The following PICALM variants were observed in gnomAD, a reference collection of about 807,000 sequenced individuals.
The protein encoded by PICALM is phosphatidylinositol-binding clathrin assembly protein.
A neutral mutation model predicts 80.5 loss-of-function variants in PICALM; 40 were observed. The observed-to-expected ratio is 0.50, with a 90% CI of 0.39 to 0.65. The LOEUF (loss-of-function observed/expected upper bound fraction) is 0.65. Ranked by LOEUF, PICALM falls within the 30% of genes least tolerant of loss-of-function variation. PICALM has a pLI of 0.00. For missense variants in PICALM, 676 were observed against 778.9 expected (o/e 0.87, Z 1.57); for synonymous variants, 288 against 260.3 (o/e 1.11, Z -1.02).
At position 86,011,051 on chromosome 11, in the gene PICALM, T is replaced by C; in HGVS notation, c.744A>G (p.Ser248=). The C allele has an allele frequency of 6.5e-7, 1 of 1,538,726 alleles. No individual in the cohort carries two copies. Among genetic ancestry groups the C allele is most frequent in the Non-Finnish European group, 8.9e-7 (1 of 1,119,904 alleles). Reference sequence around the variant, plus strand: ...TTACCTCTGCAACTTTGAGGAACTCTGAGATTCTTGTCATCCTAGTTAGGA... The same window carrying C: ...TTACCTCTGCAACTTTGAGGAACTCCGAGATTCTTGTCATCCTAGTTAGGA... ...KKFLTRMTRI[S]EFLKVAEQVG... is the part of the protein sequence containing the mutation. Residue 248 remains serine, a synonymous_variant, in exon 7 of 20, where the codon TCA becomes TCG. Coordinates refer to ENST00000393346, the MANE Select transcript of PICALM (RefSeq NM_007166.4).
chr11:86,067,490 CAGGTTAG>C (rs1426586724), intron 1 of PICALM, among the ~76,000 whole-genome samples: 1 of 152,048 alleles, frequency 6.6e-6, no homozygotes, highest in Non-Finnish European at 1.5e-5. Context: ...AGGTGACTTC[CAGGTTAG>C]AAAAAAGTTA....
At chr11:86,022,535 C>A in intron 3 of PICALM, 66 bp from the exon 4 acceptor site, 1 of 790,576 alleles carries the variant, frequency 1.3e-6, no homozygotes, top group Non-Finnish European at 2.0e-6. Flanking sequence ...GACTAAAAAT[C>A]CCAATATGCC....
chr11:86,059,588 G>A (rs908818569), intron 1 of PICALM, among the ~76,000 whole-genome samples: 2 of 152,138 alleles, frequency 1.3e-5, no homozygotes, highest in Non-Finnish European at 2.9e-5. Flanking sequence ...TTCGAGACCA[G>A]CCTAGGAAAG....
At chr11:86,062,612 T>C (rs1360930717) in intron 1 of PICALM, among the ~76,000 whole-genome samples, 2 of 152,002 alleles carry the variant, frequency 1.3e-5, no homozygotes, top group Non-Finnish European at 2.9e-5. Flanking sequence ...ACCACTTTCG[T>C]GGGGGATATA....
chr11:86,061,066 T>C (rs1043233532), intron 1 of PICALM, among the ~76,000 whole-genome samples: 4 of 152,160 alleles, frequency 2.6e-5, no homozygotes, highest in African/African-American at 9.7e-5. Context: ...CAGTGGCTCA[T>C]GCCTGTAATC....
At chr11:85,991,300 T>C (rs2094768860) in intron 12 of PICALM, among the ~76,000 whole-genome samples, 1 of 152,336 alleles carries the variant, frequency 6.6e-6, no homozygotes, top group Non-Finnish European at 1.5e-5. Context: ...GATACTCCTG[T>C]AATTCTCAAC....
intron 1 of PICALM, among the ~76,000 whole-genome samples, chr11:86,051,146 A>T (rs528014193): frequency 5.9e-5 from 9 of 152,360 alleles, no homozygotes; most frequent in African/African-American, 1.9e-4. Context: ...TGGAGAATGA[A>T]GCAAAGGCTC....
At chr11:86,022,044 T>C (rs1455370891) in intron 4 of PICALM, among the ~76,000 whole-genome samples, 1 of 152,118 alleles carries the variant, frequency 6.6e-6, no homozygotes, top group East Asian at 1.9e-4. Flanking sequence ...TGCTAATAGG[T>C]ATAGAGTTTC....
At chr11:85,994,681 G>A (rs1328981289) in intron 12 of PICALM, among the ~76,000 whole-genome samples, 1 of 152,124 alleles carries the variant, frequency 6.6e-6, no homozygotes, top group Non-Finnish European at 1.5e-5. Context: ...AATACCTTAA[G>A]CATTTAATGT....
At position 85,957,923 on chromosome 11, in the gene PICALM, T is replaced by C. The variant is rs965607764; in HGVS notation, c.*1123A>G. 1 of 223,766 alleles carries C rather than the reference T, an allele frequency of 4.5e-6. No homozygotes were observed. Among genetic ancestry groups the C allele is most frequent in the African/African-American group, 2.2e-5 (1 of 44,778 alleles). The allele number at this position is 223,766 out of a possible 1,614,324, so 13.9% of individuals were successfully genotyped here. On this transcript the variant is annotated 3_prime_UTR_variant, in exon 20 of 20. Coordinates refer to ENST00000393346, the MANE Select transcript of PICALM (RefSeq NM_007166.4). ...TTTAATTCTTCGTTTACTAAACTCTTGGCTAGACATTAACTTTAAAGATAC... is the reference window on the plus strand; with the variant it reads ...TTTAATTCTTCGTTTACTAAACTCTCGGCTAGACATTAACTTTAAAGATAC...
At position 86,007,381 on chromosome 11, in the gene PICALM, T is replaced by A. The variant is rs989651412; in HGVS notation, c.807+161A>T. The A allele has an allele frequency of 8.3e-6, 4 of 483,582 alleles. No homozygotes were observed. In the Admixed American group the frequency reaches 1.1e-4, roughly 13 times the overall value. The allele number at this position is 483,582 out of a possible 1,614,324, so 30.0% of individuals were successfully genotyped here. On this transcript the variant is annotated intron_variant, in intron 8 of 19. Transcript: ENST00000393346. The stretch of plus-strand genomic sequence containing the variant: ...GTGGTAAGCAGATCATTTTACGTGG[T>A]CATAGTGTTAGAACAATCTTCAGGA...
Position 85,983,917 on chromosome 11 carries a change from A to G in PICALM, c.1465T>C (p.Phe489Leu). 1 of 1,606,552 alleles carries G rather than the reference A, an allele frequency of 6.2e-7. No individual in the cohort carries two copies. The highest frequency in any genetic ancestry group is 8.5e-7 in the Non-Finnish European group (1 of 1,174,254). The change falls in exon 14 of 20, where the codon TTT (phenylalanine) becomes CTT (leucine). Residue 489 changes from phenylalanine (F) to leucine (L), a missense_variant. Physicochemically the swap from Phe to Leu is conservative, Grantham distance 22 (BLOSUM62 0). Around this residue, in one of 2 missense-constraint regions of PICALM, gnomAD observed 391 missense variants for 383.6 expected, o/e 1.02. Coordinates refer to ENST00000393346, the MANE Select transcript of PICALM (RefSeq NM_007166.4). ...PHPSAGLNVD[F>L]ESVFGNKSTN... ...GATTTATTTCCAAACACAGATTCAA[A>G]GTCAACATTAAGGCCAGCTGAAGGG... is the stretch of plus-strand genomic sequence containing the variant.
rs1290921096 is a variant in PICALM, at chr11:86,050,159, C to T, written c.130+18492G>A. ...GGCGGAGGTTGCAGTGAGCAGAGAT[C>T]GCGCCACTGCACTCCAGCCTGGGCA... On this transcript the variant is annotated intron_variant, in intron 1 of 19. Transcript: ENST00000393346. Among the ~76,000 whole-genome samples, 11 of 145,394 alleles carry T rather than the reference C, an allele frequency of 7.6e-5. No homozygotes were observed. In the South Asian group the frequency reaches 1.8e-3, roughly 24 times the overall value.
intron 1 of PICALM, among the ~76,000 whole-genome samples, chr11:86,037,610 G>A (rs2095866274): frequency 6.6e-6 from 1 of 151,150 alleles, no homozygotes; most frequent in Non-Finnish European, 1.5e-5. Context: ...GAGGCGGGAA[G>A]ATAGTTTAAG....
At chr11:85,980,124 C>T (rs1428768014) in intron 17 of PICALM, among the ~76,000 whole-genome samples, 1 of 152,174 alleles carries the variant, frequency 6.6e-6, no homozygotes, top group Non-Finnish European at 1.5e-5. Context: ...CTTTCAAGGC[C>T]ATTCATGCTC....
intron 12 of PICALM, among the ~76,000 whole-genome samples, chr11:85,993,764 C>G (rs1375081816): frequency 1.3e-5 from 2 of 151,990 alleles, no homozygotes; most frequent in Non-Finnish European, 2.9e-5. Flanking sequence ...TTATGCTACA[C>G]TAGAGTCATC....
At chr11:86,012,423 A>T in intron 5 of PICALM, 31 bp from the exon 6 acceptor site, 1 of 1,223,254 alleles carries the variant, frequency 8.2e-7, no homozygotes, top group South Asian at 1.2e-5. Context: ...AAAATTAGCT[A>T]ATCTTAGGTT....
At chr11:85,965,585 G>A (rs941648636) in intron 19 of PICALM, among the ~76,000 whole-genome samples, 3 of 152,028 alleles carry the variant, frequency 2.0e-5, no homozygotes, top group African/African-American at 7.3e-5. Context: ...TTATATTAAA[G>A]ATAATGTGAT....
chr11:85,958,775 G>T lies in PICALM; in HGVS notation c.*271C>A. 2.7e-6 allele frequency: 1 copy of T among 371,482 alleles called. No individual in the cohort carries two copies. The highest frequency in any genetic ancestry group is 1.1e-4 in the South Asian group (1 of 9,344). 23.0% of individuals were successfully genotyped at this position (371,482 alleles called of 1,614,324 possible). ...AGGTTACTGATTATGGGTATTAACA[G>T]GAGTTGAAAGAATTGAAGGGTTAGT... is the stretch of plus-strand genomic sequence containing the variant. On this transcript the variant is annotated 3_prime_UTR_variant, in exon 20 of 20. Coordinates refer to ENST00000393346, the MANE Select transcript of PICALM (RefSeq NM_007166.4).
Sources: allele counts gnomAD v4.1 joint callset (sites outside exome capture counted in the v4.1 genomes callset), GRCh38; gene constraint gnomAD v4.1.1; regional missense constraint gnomAD v4.1.1; transcripts MANE v1.5; gene names NCBI Gene and HGNC (gene_info 2026-07-23, HGNC 2026-07-21).